The following ANXA1 variants were observed in gnomAD, a reference collection of about 807,000 sequenced individuals.
ANXA1 encodes the protein annexin A1, also known as annexin I (lipocortin I).
A neutral mutation model predicts 47.9 loss-of-function variants in ANXA1; 39 were observed. The ratio of observed to expected loss-of-function variants is 0.81; its 90% confidence interval spans 0.63 to 1.06. The LOEUF (loss-of-function observed/expected upper bound fraction) is 1.06. ANXA1 is among the 50% of genes least tolerant of loss of function. The pLI, the probability that ANXA1 is intolerant of heterozygous loss-of-function variation, is 0.00. For synonymous variants in ANXA1, 146 were observed against 142.5 expected (o/e 1.02, Z -0.17); for missense variants, 446 against 422.7 (o/e 1.06, Z -0.48).
intron 3 of ANXA1, 30 bp downstream of exon 3, chr9:73,158,833 C>T: frequency 1.3e-6 from 2 of 1,546,896 alleles, no homozygotes; most frequent in Non-Finnish European, 1.8e-6. Context: ...CAGTTCCCTC[C>T]TGGACATTTC....
chr9:73,162,226 G>T (rs565949396), intron 6 of ANXA1, among the ~76,000 whole-genome samples: 2 of 152,202 alleles, frequency 1.3e-5, no homozygotes, highest in African/African-American at 4.8e-5. Flanking sequence ...ACTTGGCAGG[G>T]CCAAACAAAC....
Position 73,160,695 on chromosome 9 carries a change from A to C in ANXA1, c.385-108A>C, listed in dbSNP as rs1165798316. On this transcript the variant is annotated intron_variant, in intron 5 of 12. Coordinates refer to ENST00000257497, the MANE Select transcript of ANXA1 (RefSeq NM_000700.3). ...GTAATTATTAAATGTTGTGGGTGAA[A>C]TTTACTAAATGACAGAGTCAAACAA... The C allele has an allele frequency of 4.0e-6, 3 of 749,510 alleles. No homozygotes were observed. The East Asian group carries it at 7.5e-5, about 19-fold the overall frequency. 46.4% of individuals were successfully genotyped at this position (749,510 alleles called of 1,614,324 possible).
chr9:73,168,888 T>TGTGTGG, intron 11 of ANXA1, 144 bp from the exon 12 acceptor site: 1 of 610,650 alleles, frequency 1.6e-6, no homozygotes, highest in Admixed American at 2.9e-5. Context: ...AAGGTGTGTG[T>TGTGTGG]GTGTGTGTGT....
intron 8 of ANXA1, among the ~76,000 whole-genome samples, chr9:73,163,738 G>A (rs569562938): frequency 8.5e-5 from 13 of 152,186 alleles, no homozygotes; most frequent in East Asian, 7.7e-4. Context: ...CTCATTATTC[G>A]TAAAACCAGA....
At chr9:73,157,644 A>G (rs988137106) in intron 1 of ANXA1, 1 of 123,338 alleles carries the variant, frequency 8.1e-6, no homozygotes, top group African/African-American at 3.3e-5. Flanking sequence ...ACAGAGAAAG[A>G]CTCCATCTCA....
chr9:73,160,225 C>G (rs1824114453), intron 4 of ANXA1, 38 bp from the exon 5 acceptor site: 1 of 1,419,518 alleles, frequency 7.0e-7, no homozygotes, highest in Non-Finnish European at 9.6e-7. Context: ...TAGCATGTTA[C>G]TTATTGGAAG....
At chr9:73,154,858 G>A (rs770184422) in intron 1 of ANXA1, among the ~76,000 whole-genome samples, 1 of 152,198 alleles carries the variant, frequency 6.6e-6, no homozygotes, top group Non-Finnish European at 1.5e-5. Context: ...TGAGGATAAT[G>A]ATTAAAGGCT....
chr9:73,170,058 C>A lies in ANXA1; in HGVS notation c.992C>A (p.Thr331Asn). Residue 331 changes from threonine (T) to asparagine (N), a missense_variant, in exon 13 of 13, where the codon ACC (threonine) becomes AAC (asparagine). Coordinates refer to ENST00000257497, the MANE Select transcript of ANXA1 (RefSeq NM_000700.3). ...ISLCQAILDE[T>N]KGDYEKILVA... ...CTTTTTTTGAATCAACAGGATGAAA[C>A]CAAAGGAGATTATGAGAAAATCCTG... 1 of 1,605,884 alleles carries A rather than the reference C, an allele frequency of 6.2e-7. No homozygotes were observed. Among genetic ancestry groups the A allele is most frequent in the East Asian group, 2.2e-5 (1 of 44,550 alleles).
chr9:73,156,023 C>T (rs1824040384), intron 1 of ANXA1, among the ~76,000 whole-genome samples: 1 of 148,528 alleles, frequency 6.7e-6, no homozygotes, highest in African/African-American at 2.5e-5. Context: ...TCAGAGACAC[C>T]TTTAATATTA....
intron 1 of ANXA1, among the ~76,000 whole-genome samples, chr9:73,153,885 T>C (rs1824007225): frequency 6.6e-6 from 1 of 152,112 alleles, no homozygotes; most frequent in South Asian, 2.1e-4. Context: ...TGGAAAGTGA[T>C]AATACAGAAA....
chr9:73,168,581 G>C (rs1455409046), intron 11 of ANXA1: 1 of 154,440 alleles, frequency 6.5e-6, no homozygotes, highest in Non-Finnish European at 1.4e-5. Context: ...TAGAGTGATG[G>C]TGCACACTGG....
chr9:73,170,037 T>C lies in ANXA1; in HGVS notation c.985-14T>C, dbSNP rs1256446009. On this transcript the variant is annotated splice_polypyrimidine_tract_variant and intron_variant, in intron 12 of 12. Transcript: ENST00000257497. ...TTCGACTAACATTAAGTATACCTTT[T>C]TTTGAATCAACAGGATGAAACCAAA... 1.9e-6 allele frequency: 3 copies of C among 1,595,346 alleles called. No homozygotes were observed. The highest frequency in any genetic ancestry group is 2.6e-6 in the Non-Finnish European group (3 of 1,171,554).
At chr9:73,161,631 GGAGA>G (rs1824144825) in intron 6 of ANXA1, among the ~76,000 whole-genome samples, 1 of 151,798 alleles carries the variant, frequency 6.6e-6, no homozygotes, top group Admixed American at 6.6e-5. Flanking sequence ...TACCAAGCAT[GGAGA>G]ATACAATAGC....
intron 7 of ANXA1, 60 bp from the exon 8 acceptor site, chr9:73,163,416 A>T: frequency 6.8e-7 from 1 of 1,474,056 alleles, no homozygotes; most frequent in Non-Finnish European, 9.4e-7. Context: ...TAAGATAATT[A>T]AGTAAATCAT....
Position 73,169,086 on chromosome 9 carries a change from A to G in ANXA1, c.916A>G (p.Ile306Val). ...LIRIMVSRSE[I>V]DMNDIKAFYQ... ...CAGGATTATGGTTTCCCGTTCTGAA[A>G]TTGACATGAATGATATCAAAGCATT... Residue 306 changes from isoleucine (I) to valine (V), a missense_variant, in exon 12 of 13, where the codon ATT becomes GTT. Transcript: ENST00000257497. The G allele has an allele frequency of 6.2e-7, 1 of 1,613,542 alleles. No homozygotes were observed.
Sources: gnomAD v4.1 joint callset for allele counts (sites outside exome capture counted in the v4.1 genomes callset) on GRCh38, gnomAD v4.1.1 for gene constraint, MANE v1.5 for transcripts, NCBI Gene and HGNC (gene_info 2026-07-23, HGNC 2026-07-21) for gene names.